The following LRRTM4 variants were observed in gnomAD, a reference collection of about 807,000 sequenced individuals.
LRRTM4 encodes leucine rich repeat transmembrane neuronal 4.
A neutral mutation model predicts 47.6 loss-of-function variants in LRRTM4; 25 were observed. The observed-to-expected ratio is 0.53, with a 90% CI of 0.38 to 0.73. LRRTM4 has a LOEUF of 0.73. LRRTM4 is among the 30% of genes least tolerant of loss of function. The pLI, the probability that LRRTM4 is intolerant of heterozygous loss-of-function variation, is 0.00. For synonymous variants in LRRTM4, 311 were observed against 269.5 expected (o/e 1.15, Z -1.51); for missense variants, 638 against 713.4 (o/e 0.89, Z 1.20).
intron 3 of LRRTM4, among the ~76,000 whole-genome samples, chr2:77,011,531 T>TTG (rs56982328): frequency 0.066 from 9,441 of 143,782 alleles, 330 homozygotes; most frequent in Non-Finnish European, 0.085. Flanking sequence ...GAAGAAGCAT[T>TTG]TGTGTGTGTG....
At chr2:77,096,818 AAAT>A (rs1379587857) in intron 3 of LRRTM4, among the ~76,000 whole-genome samples, 2 of 151,934 alleles carry the variant, frequency 1.3e-5, no homozygotes, top group African/African-American at 4.8e-5. Context: ...AAAGCTTAAA[AAAT>A]CAGGAGAAAT....
intron 3 of LRRTM4, among the ~76,000 whole-genome samples, chr2:76,913,940 T>C (rs188420711): frequency 2.0e-5 from 3 of 152,206 alleles, no homozygotes; most frequent in African/African-American, 4.8e-5. Flanking sequence ...TGCTAGACTT[T>C]TGCACTGTTT....
intron 3 of LRRTM4, among the ~76,000 whole-genome samples, chr2:77,477,850 A>G (rs1033494785): frequency 6.7e-6 from 1 of 149,154 alleles, no homozygotes; most frequent in Non-Finnish European, 1.5e-5. Context: ...ATCAAAAAAA[A>G]AAAAAAGAAA....
chr2:76,928,469 G>C (rs905269593), intron 3 of LRRTM4, among the ~76,000 whole-genome samples: 1 of 152,066 alleles, frequency 6.6e-6, no homozygotes, highest in Admixed American at 6.6e-5. Context: ...CACTATCCAC[G>C]GAGGAGCTTT....
intron 3 of LRRTM4, among the ~76,000 whole-genome samples, chr2:76,965,687 C>T (rs190232133): frequency 1.3e-5 from 2 of 151,304 alleles, no homozygotes; most frequent in African/African-American, 2.4e-5. Context: ...CTACTACTTA[C>T]GCTTTTCACT....
At chr2:77,433,822 C>T (rs1267156507) in intron 3 of LRRTM4, among the ~76,000 whole-genome samples, 2 of 152,120 alleles carry the variant, frequency 1.3e-5, no homozygotes, top group East Asian at 1.9e-4. Flanking sequence ...CTCTCTCCAC[C>T]GATCTTTGAG....
At chr2:77,051,009 TA>T in intron 3 of LRRTM4, among the ~76,000 whole-genome samples, 1 of 148,456 alleles carries the variant, frequency 6.7e-6, no homozygotes, top group South Asian at 2.1e-4. Flanking sequence ...ACAAGATACT[TA>T]AAACATTTTT....
intron 3 of LRRTM4, among the ~76,000 whole-genome samples, chr2:76,788,053 A>T (rs1238174463): frequency 6.6e-6 from 1 of 152,166 alleles, no homozygotes; most frequent in Non-Finnish European, 1.5e-5. Flanking sequence ...AAGATGAATG[A>T]ATGTTACTGT....
At chr2:77,039,394 A>G (rs77835248) in intron 3 of LRRTM4, among the ~76,000 whole-genome samples, 3,372 of 151,068 alleles carry the variant, frequency 0.022, 118 homozygotes, top group African/African-American at 0.069. Context: ...TATTTGTTTT[A>G]ATCAAGCTCT....
chr2:77,055,775 G>A (rs1024204875), intron 3 of LRRTM4, among the ~76,000 whole-genome samples: 7 of 151,892 alleles, frequency 4.6e-5, no homozygotes, highest in Admixed American at 2.0e-4. Flanking sequence ...CAATAGCAAA[G>A]ACTTGGAACC....
At chr2:76,804,492 A>G (rs1675861583) in intron 3 of LRRTM4, among the ~76,000 whole-genome samples, 1 of 151,868 alleles carries the variant, frequency 6.6e-6, no homozygotes, top group Non-Finnish European at 1.5e-5. Flanking sequence ...AGTATCAGCC[A>G]TATTCTGTCC....
rs117005439 is a variant in LRRTM4 at position 77,009,663 on chromosome 2, C to T, written c.1552-260747G>A. On this transcript the variant is annotated intron_variant, in intron 3 of 3. Transcript: ENST00000409884. ...AACATTAAACTTGAACACACCAGTT[C>T]TGCCACTGCAGTAGCCACATCTTGA... 17 of 152,158 alleles carry T rather than the reference C, an allele frequency of 1.1e-4. No individual in the cohort carries two copies. The East Asian group carries it at 3.3e-3, about 29-fold the overall frequency. The allele number at this position is 152,158 out of a possible 1,614,324, so 9.4% of individuals were successfully genotyped here.
chr2:77,046,659 A>C (rs1679246162), intron 3 of LRRTM4, among the ~76,000 whole-genome samples: 1 of 151,982 alleles, frequency 6.6e-6, no homozygotes, highest in South Asian at 2.1e-4. Context: ...TGCCTCATTC[A>C]CACTATGAGA....
intron 3 of LRRTM4, among the ~76,000 whole-genome samples, chr2:77,167,118 C>T (rs984799985): frequency 4.6e-5 from 7 of 152,122 alleles, no homozygotes; most frequent in African/African-American, 1.7e-4. Flanking sequence ...AAGAAAAAAA[C>T]AACCCCATCA....
rs775513920 is a variant in LRRTM4, at chr2:77,518,598, T to C, written c.1271A>G (p.Lys424Arg). ...EQEYEHVSFH[K>R]IIAGSVALFL... is the part of the protein sequence containing the mutation. The stretch of plus-strand genomic sequence containing the variant: ...GAGAGCCACACTCCCGGCAATAATT[T>C]TGTGAAATGAAACATGCTCATACTC... The change falls in exon 3 of 4, where the codon AAA becomes AGA. Residue 424 changes from lysine (K) to arginine (R), a missense_variant. Lys to Arg is a conservative substitution (Grantham distance 26). Coordinates refer to ENST00000409884, the MANE Select transcript of LRRTM4 (RefSeq NM_001134745.3). The C allele has an allele frequency of 1.3e-5, 21 of 1,613,284 alleles. No homozygotes were observed. Among genetic ancestry groups the C allele is most frequent in the Non-Finnish European group, 1.6e-5 (19 of 1,179,654 alleles).
chr2:77,211,936 T>C (rs1472373135), intron 3 of LRRTM4, among the ~76,000 whole-genome samples: 2 of 152,186 alleles, frequency 1.3e-5, no homozygotes, highest in African/African-American at 2.4e-5. Context: ...TTTTCATGAA[T>C]GTTTTTCCCA....
chr2:77,316,608 C>T (rs1389463866), intron 3 of LRRTM4, among the ~76,000 whole-genome samples: 3 of 151,458 alleles, frequency 2.0e-5, no homozygotes, highest in African/African-American at 7.3e-5. Context: ...GAGTGCAGTG[C>T]GTATCCCCAG....
At chr2:77,213,729 T>C (rs1475653529) in intron 3 of LRRTM4, among the ~76,000 whole-genome samples, 1 of 152,138 alleles carries the variant, frequency 6.6e-6, no homozygotes, top group East Asian at 1.9e-4. Flanking sequence ...TGGGATAGGT[T>C]ACACTAATCT....
At chr2:76,777,243 C>A (rs1674064354) in intron 3 of LRRTM4, among the ~76,000 whole-genome samples, 1 of 149,934 alleles carries the variant, frequency 6.7e-6, no homozygotes, top group Admixed American at 6.6e-5. Context: ...GCCATGCGGG[C>A]TCTTTTTTGG....
Sources: gnomAD v4.1 joint callset for allele counts (sites outside exome capture counted in the v4.1 genomes callset) on GRCh38, gnomAD v4.1.1 for gene constraint, MANE v1.5 for transcripts, NCBI Gene and HGNC (gene_info 2026-07-23, HGNC 2026-07-21) for gene names.